The following PVT1 variants were observed in gnomAD, a reference collection of about 807,000 sequenced individuals.
The protein encoded by PVT1 is Pvt1 oncogene, also known as CXCR4/PVT1 fusion.
At chr8:127,917,609 G>C (rs1405250183) in intron 3 of PVT1, among the ~76,000 whole-genome samples, 8 of 152,232 alleles carry the variant, frequency 5.3e-5, no homozygotes, top group Non-Finnish European at 4.4e-5. Flanking sequence ...AAGAAATAGA[G>C]GGGCCGGTCA....
chr8:127,839,355 C>T (rs964648048), intron 2 of PVT1, among the ~76,000 whole-genome samples: 21 of 151,766 alleles, frequency 1.4e-4, no homozygotes, highest in African/African-American at 4.8e-4. Context: ...TGAGACCAGC[C>T]TGGGCAACAG....
At chr8:128,037,213 G>C (rs1183919099) in intron 4 of PVT1, among the ~76,000 whole-genome samples, 2 of 152,250 alleles carry the variant, frequency 1.3e-5, no homozygotes, top group African/African-American at 4.8e-5. Context: ...CTGAGGGGCA[G>C]GAGCCACTGG....
chr8:128,006,145 T>TAATAATAATAATAAA (rs1554603823), intron 4 of PVT1, among the ~76,000 whole-genome samples: 4 of 134,388 alleles, frequency 3.0e-5, no homozygotes, highest in East Asian at 2.1e-4. Flanking sequence ...ATAATAATAA[T>TAATAATAATAATAAA]AATAAAAAGA....
intron 4 of PVT1, among the ~76,000 whole-genome samples, chr8:128,043,368 G>T (rs1813569067): frequency 6.6e-6 from 1 of 152,190 alleles, no homozygotes; most frequent in Non-Finnish European, 1.5e-5. Flanking sequence ...CACAGGCTGG[G>T]GGTCAGGAGG....
chr8:127,884,564 G>T (rs975710956), intron 2 of PVT1, among the ~76,000 whole-genome samples: 2 of 152,198 alleles, frequency 1.3e-5, no homozygotes, highest in Non-Finnish European at 2.9e-5. Context: ...CAAAGTGGTT[G>T]TTTATCCTTT....
At chr8:127,825,048 A>G (rs916258254) in intron 2 of PVT1, among the ~76,000 whole-genome samples, 1 of 137,458 alleles carries the variant, frequency 7.3e-6, no homozygotes, top group Admixed American at 8.2e-5. Context: ...TGAACCCAGG[A>G]GGTGGAGGTT....
At chr8:127,857,336 G>T (rs1455576082) in intron 2 of PVT1, among the ~76,000 whole-genome samples, 2 of 152,026 alleles carry the variant, frequency 1.3e-5, no homozygotes, top group Non-Finnish European at 2.9e-5. Context: ...TTGATGACTT[G>T]GTTATAAGAA....
At chr8:127,935,428 G>GGTGT (rs145282884) in intron 3 of PVT1, among the ~76,000 whole-genome samples, 11 of 150,828 alleles carry the variant, frequency 7.3e-5, no homozygotes, top group East Asian at 3.9e-4. Flanking sequence ...GCCAGGTCAG[G>GGTGT]GTGTGTGTGT....
intron 4 of PVT1, among the ~76,000 whole-genome samples, chr8:128,030,141 T>C (rs780722661): frequency 2.0e-5 from 3 of 152,120 alleles, no homozygotes; most frequent in Non-Finnish European, 4.4e-5. Context: ...AAAAACCTTT[T>C]TATCCTACCA....
intron 3 of PVT1, among the ~76,000 whole-genome samples, chr8:127,982,332 G>A (rs1816891181): frequency 6.6e-6 from 1 of 152,126 alleles, no homozygotes; most frequent in Non-Finnish European, 1.5e-5. Flanking sequence ...CAGTGATGCT[G>A]CTGACTCTGA....
intron 3 of PVT1, among the ~76,000 whole-genome samples, chr8:127,974,056 C>T (rs545195199): frequency 5.3e-5 from 8 of 151,682 alleles, no homozygotes; most frequent in African/African-American, 7.3e-5. Context: ...TTTATATTTT[C>T]GAAGGGTGGG....
intron 2 of PVT1, among the ~76,000 whole-genome samples, chr8:127,882,008 A>G (rs962893609): frequency 2.0e-5 from 3 of 152,160 alleles, no homozygotes; most frequent in African/African-American, 7.2e-5. Context: ...CCAAAGTGCT[A>G]GGATTACAGG....
intron 2 of PVT1, among the ~76,000 whole-genome samples, chr8:127,881,435 A>ATATTATTATTATTAT (rs79735415): frequency 1.8e-4 from 18 of 100,838 alleles, no homozygotes; most frequent in African/African-American, 9.8e-4. Context: ...TATTGTTATT[A>ATATTATTATTATTAT]TATTATTATT....
intron 4 of PVT1, among the ~76,000 whole-genome samples, chr8:128,064,979 C>G (rs1340364255): frequency 6.6e-6 from 1 of 152,154 alleles, no homozygotes; most frequent in Non-Finnish European, 1.5e-5. Context: ...TTGCTTGTAG[C>G]ATTTTAGATC....
At chr8:127,907,646 G>C (rs1297939396) in intron 3 of PVT1, among the ~76,000 whole-genome samples, 1 of 152,182 alleles carries the variant, frequency 6.6e-6, no homozygotes, top group Non-Finnish European at 1.5e-5. Flanking sequence ...GTGAATTCCT[G>C]GATTAGTATG....
intron 3 of PVT1, among the ~76,000 whole-genome samples, chr8:127,938,447 A>G (rs1170291085): frequency 6.6e-6 from 1 of 152,160 alleles, no homozygotes; most frequent in African/African-American, 2.4e-5. Context: ...TGAAAAGAAG[A>G]GATGCTCCCA....
chr8:127,900,006 A>G (rs1815738703), intron 3 of PVT1, among the ~76,000 whole-genome samples: 1 of 151,922 alleles, frequency 6.6e-6, no homozygotes, highest in Admixed American at 6.6e-5. Context: ...GCTTTGGATC[A>G]TTGTCTTTAT....
intron 4 of PVT1, among the ~76,000 whole-genome samples, chr8:128,012,023 C>T (rs1817320097): frequency 1.3e-5 from 2 of 152,182 alleles, no homozygotes; most frequent in African/African-American, 2.4e-5. Context: ...CTTGTGAGCT[C>T]ACAGTGAATC....
intron 3 of PVT1, among the ~76,000 whole-genome samples, chr8:127,913,909 A>G (rs4380893): frequency 0.042 from 6,458 of 152,058 alleles, 408 homozygotes; most frequent in African/African-American, 0.13. Flanking sequence ...GGCCACACAC[A>G]TGGCTGTCTG....
Sources: allele counts gnomAD v4.1 joint callset (sites outside exome capture counted in the v4.1 genomes callset), GRCh38; gene constraint gnomAD v4.1.1; transcripts MANE v1.5; gene names NCBI Gene and HGNC (gene_info 2026-07-23, HGNC 2026-07-21).